The following FILIP1L variants were observed in gnomAD, a reference collection of about 807,000 sequenced individuals.
The protein encoded by FILIP1L is filamin A-interacting protein 1-like.
FILIP1L carries 55 observed loss-of-function variants against 96.6 expected under a neutral mutation model. The ratio of observed to expected loss-of-function variants is 0.57; its 90% CI spans 0.46 to 0.71. The LOEUF is 0.71. FILIP1L is among the 30% of genes least tolerant of loss of function. FILIP1L has a pLI of 0.00. For missense variants in FILIP1L, 1,304 were observed against 1,321.2 expected, an observed-to-expected ratio of 0.99 and a Z score of 0.20; for synonymous variants, 467 against 473.9, an observed-to-expected ratio of 0.99 and a Z score of 0.19.
chr3:100,003,866 C>T (rs1320459978), intron 1 of FILIP1L, among the ~76,000 whole-genome samples: 1 of 152,150 alleles, frequency 6.6e-6, no homozygotes, highest in Non-Finnish European at 1.5e-5. Flanking sequence ...AGTTCAACTA[C>T]ACCTGCTCAG....
intron 1 of FILIP1L, among the ~76,000 whole-genome samples, chr3:99,950,509 A>G (rs1370892613): frequency 6.6e-6 from 1 of 152,156 alleles, no homozygotes. Context: ...TTCCGTTTTC[A>G]CTAGTCTCCC....
intron 5 of FILIP1L, among the ~76,000 whole-genome samples, chr3:99,840,221 CTTTT>C (rs10935982): frequency 2.0e-5 from 2 of 102,136 alleles, no homozygotes; most frequent in East Asian, 6.3e-4. Flanking sequence ...TTCGTAGAAT[CTTTT>C]TTTTTTTTTT....
At chr3:100,097,064 C>G (rs757181160) in intron 1 of FILIP1L, among the ~76,000 whole-genome samples, 30 of 152,282 alleles carry the variant, frequency 2.0e-4, no homozygotes, top group Non-Finnish European at 4.1e-4. Flanking sequence ...AGCAGGCAAG[C>G]CAGCATTACT....
At chr3:99,832,702 G>T (rs1385439445) in intron 5 of FILIP1L, among the ~76,000 whole-genome samples, 4 of 130,632 alleles carry the variant, frequency 3.1e-5, no homozygotes, top group African/African-American at 9.1e-5. Context: ...ACAGCCGGGC[G>T]TCGTGGCGCA....
chr3:99,882,696 C>T (rs2107604110), intron 4 of FILIP1L, among the ~76,000 whole-genome samples: 1 of 152,232 alleles, frequency 6.6e-6, no homozygotes, highest in South Asian at 2.1e-4. Context: ...CTGAATGTTT[C>T]TTTTGGGAAA....
chr3:99,859,330 A>G (rs1376507566), intron 4 of FILIP1L, among the ~76,000 whole-genome samples: 1 of 152,240 alleles, frequency 6.6e-6, no homozygotes, highest in African/African-American at 2.4e-5. Context: ...TCATACTTAC[A>G]GTATTCTCCC....
intron 1 of FILIP1L, among the ~76,000 whole-genome samples, chr3:100,069,877 C>T (rs972428975): frequency 1.3e-5 from 2 of 152,114 alleles, no homozygotes; most frequent in African/African-American, 4.8e-5. Context: ...AAATAGAGGA[C>T]TCACACTATC....
At chr3:100,105,773 A>G (rs1385312450) in intron 1 of FILIP1L, among the ~76,000 whole-genome samples, 2 of 152,304 alleles carry the variant, frequency 1.3e-5, no homozygotes, top group Non-Finnish European at 2.9e-5. Context: ...CATGCTTCTT[A>G]CTGTTGTCAC....
chr3:99,928,773 G>A (rs891707423), intron 3 of FILIP1L, among the ~76,000 whole-genome samples: 4 of 152,206 alleles, frequency 2.6e-5, no homozygotes, highest in Non-Finnish European at 5.9e-5. Context: ...CTGTTTCATA[G>A]TTAATATGTT....
At chr3:99,965,089 TAA>T (rs1708609419) in intron 1 of FILIP1L, among the ~76,000 whole-genome samples, 1 of 152,262 alleles carries the variant, frequency 6.6e-6, no homozygotes, top group African/African-American at 2.4e-5. Context: ...TATTTTCTAG[TAA>T]TTACCTTGAA....
Position 99,850,541 on chromosome 3 carries a change from C to T in FILIP1L, c.1135G>A (p.Val379Met), listed in dbSNP as rs1292025797. The T allele has an allele frequency of 5.0e-6, 8 of 1,613,600 alleles. No homozygotes were observed. Among genetic ancestry groups the T allele is most frequent in the Non-Finnish European group, 5.9e-6 (7 of 1,179,996 alleles). The change falls in exon 5 of 6, where the codon GTG becomes ATG. Residue 379 changes from valine (V) to methionine (M), a missense_variant. Transcript: ENST00000477258. ...TCATCTTTCCCTTCCATATCTAGCA[C>T]ACGTTTCCTGAGCTCTTCCACTTCA... ...MAEVEELRKR[V>M]LDMEGKDEEL...
At chr3:100,034,040 C>T (rs927220522) in intron 1 of FILIP1L, among the ~76,000 whole-genome samples, 3 of 152,138 alleles carry the variant, frequency 2.0e-5, no homozygotes, top group African/African-American at 7.2e-5. Context: ...TTATTCAACC[C>T]GCCATGCGTT....
At chr3:100,067,859 T>C (rs772281961) in intron 1 of FILIP1L, among the ~76,000 whole-genome samples, 6 of 152,030 alleles carry the variant, frequency 3.9e-5, no homozygotes, top group Non-Finnish European at 7.4e-5. Context: ...TATAGTACAA[T>C]AGGGAAGCAC....
intron 3 of FILIP1L, chr3:99,925,791 C>A (rs866657634): frequency 4.3e-5 from 40 of 924,146 alleles, no homozygotes; most frequent in Admixed American, 6.2e-5. Context: ...AAGAACCAGG[C>A]AGTAAAGAAC....
chr3:100,005,868 T>C lies in FILIP1L; in HGVS notation c.-10-74838A>G, dbSNP rs138522862. On this transcript the variant is annotated intron_variant, in intron 1 of 5. Transcript: ENST00000477258. ...AAGCTTTCTTTGGCTTCCAAGATCC[T>C]AATCCTCCAAAATGCAGCTGCTTGC... Among the ~76,000 whole-genome samples, 688 of 152,280 alleles carry C rather than the reference T, an allele frequency of 4.5e-3. 7 individuals are homozygous for C. Among genetic ancestry groups the C allele is most frequent in the African/African-American group, 0.016 (674 of 41,560 alleles).
rs1276166469 is a variant in FILIP1L at position 100,109,536 on chromosome 3, T to A, written c.-11+4517A>T. Reference sequence around the variant, plus strand: ...ACTGATGTGTTTTCTGTCCCTATAGTTTTTGGGGGTTTTTTCCCACAATGT... The same window carrying A: ...ACTGATGTGTTTTCTGTCCCTATAGATTTTGGGGGTTTTTTCCCACAATGT... On this transcript the variant is annotated intron_variant, in intron 1 of 5. Coordinates refer to ENST00000477258, the MANE Select transcript of FILIP1L (RefSeq NM_001387850.1). Among the ~76,000 whole-genome samples the A allele has an allele frequency of 2.0e-5, 3 of 152,034 alleles. No homozygotes were observed. In the East Asian group the frequency reaches 5.8e-4, roughly 29 times the overall value.
At chr3:99,976,532 G>A (rs1211556654) in intron 1 of FILIP1L, among the ~76,000 whole-genome samples, 2 of 152,082 alleles carry the variant, frequency 1.3e-5, no homozygotes, top group African/African-American at 4.8e-5. Context: ...TAGTCCAGTG[G>A]TTTTTCTTTC....
chr3:99,898,925 G>A (rs1706349721), intron 4 of FILIP1L, among the ~76,000 whole-genome samples: 1 of 152,044 alleles, frequency 6.6e-6, no homozygotes, highest in Non-Finnish European at 1.5e-5. Flanking sequence ...TCTAATCGAA[G>A]TTTAGCTTTA....
intron 1 of FILIP1L, among the ~76,000 whole-genome samples, chr3:100,046,419 A>G (rs925078189): frequency 1.3e-5 from 2 of 152,128 alleles, no homozygotes; most frequent in Non-Finnish European, 2.9e-5. Context: ...CACTGAAAGT[A>G]AACAACCTTT....
Sources: gnomAD v4.1 joint callset for allele counts (sites outside exome capture counted in the v4.1 genomes callset) on GRCh38, gnomAD v4.1.1 for gene constraint, MANE v1.5 for transcripts, NCBI Gene and HGNC (gene_info 2026-07-23, HGNC 2026-07-21) for gene names.